EEF2: variants seen among roughly 807,000 people sequenced by gnomAD.
The protein encoded by EEF2 is elongation factor 2.
A neutral mutation model predicts 85.3 loss-of-function variants in EEF2; 21 were observed. The observed-to-expected ratio is 0.25, with a 90% CI of 0.17 to 0.35. The LOEUF (loss-of-function observed/expected upper bound fraction) is 0.35. Among genes scored for constraint, EEF2 ranks in the 10% least tolerant of loss-of-function variants. The pLI is 1.00. For missense variants in EEF2, 825 were observed against 1,225.3 expected (o/e 0.67, Z 4.88); for synonymous variants, 723 against 508.8 (o/e 1.42, Z -5.67).
chr19:3,978,551 A>C (rs2039704928), intron 11 of EEF2, among the ~76,000 whole-genome samples: 1 of 151,914 alleles, frequency 6.6e-6, no homozygotes, highest in Admixed American at 6.5e-5. Context: ...CACGCCTGTA[A>C]TCCCAGCACT....
intron 11 of EEF2, 124 bp from the exon 12 acceptor site, chr19:3,978,296 A>G: frequency 3.8e-6 from 3 of 785,488 alleles, no homozygotes; most frequent in East Asian, 3.0e-5. Flanking sequence ...CACGTCAATC[A>G]GAACGAAGCG....
In EEF2 at chr19:3,977,605, T is replaced by A; in HGVS notation, c.2073A>T (p.Ala691=). 13 of 1,519,626 alleles carry A rather than the reference T, an allele frequency of 8.6e-6. No homozygotes were observed. Among genetic ancestry groups the A allele is most frequent in the Non-Finnish European group, 1.1e-5 (13 of 1,137,746 alleles). The allele number at this position is 1,519,626 out of a possible 1,614,324, so 94.1% of individuals were successfully genotyped here. A position where few individuals can be genotyped will look rare whatever the true frequency, so the allele number is the denominator to read the frequency against. The change falls in exon 13 of 15, where the codon GCA becomes GCT. Residue 691 remains alanine (A), a synonymous_variant. Coordinates refer to ENST00000309311, the MANE Select transcript of EEF2 (RefSeq NM_001961.4). The surrounding 1 kb of genome is among the most constrained non-coding windows in gnomAD (Gnocchi z 5.4). ...AGFQWATKEG[A]LCEENMRGVR... ...CACCCCGCATGTTCTCCTCACACAG[T>A]GCGCCCTGGGGGAGGGGGAGAGCCA...
At chr19:3,981,764 A>C (rs2039751168) in intron 6 of EEF2, among the ~76,000 whole-genome samples, 183 bp downstream of exon 6, 1 of 152,246 alleles carries the variant, frequency 6.6e-6, no homozygotes, top group Non-Finnish European at 1.5e-5. Context: ...GGCTCTGGCT[A>C]TGCAGTCCAG....
At chr19:3,979,535 G>A (rs1327482784) in intron 10 of EEF2, 99 bp from the exon 11 acceptor site, 2 of 1,115,346 alleles carry the variant, frequency 1.8e-6, no homozygotes, top group Non-Finnish European at 2.6e-6. Flanking sequence ...GCCAGAACAA[G>A]ATTTCAGGGA....
rs775661634 is a variant in EEF2 at position 3,979,443 on chromosome 19, G to A, written c.1606-7C>T. On this transcript the variant is annotated splice_polypyrimidine_tract_variant and splice_region_variant and intron_variant, in intron 10 of 14. Transcript: ENST00000309311. Reference sequence around the variant, plus strand: ...CCGACTCCTCGATGATGCACTGAAAGGGATGCGGGTCAGCACCAAAGGGGT... The same window carrying A: ...CCGACTCCTCGATGATGCACTGAAAAGGATGCGGGTCAGCACCAAAGGGGT... 18 of 1,612,074 alleles carry A rather than the reference G, an allele frequency of 1.1e-5. No homozygotes were observed. In the South Asian group the frequency reaches 1.9e-4, roughly 17 times the overall value.
At chr19:3,979,536 A>G in intron 10 of EEF2, 100 bp from the exon 11 acceptor site, 1 of 1,112,002 alleles carries the variant, frequency 9.0e-7, no homozygotes, top group Non-Finnish European at 1.3e-6. Context: ...CCAGAACAAG[A>G]TTTCAGGGAA....
Position 3,981,382 on chromosome 19 carries a change from A to G in EEF2, c.968T>C (p.Leu323Pro). The change falls in exon 7 of 15, where the codon CTG (leucine) becomes CCG (proline). Residue 323 changes from leucine (L) to proline (P), a missense_variant. By Grantham distance (98) the Leu-to-Pro change is moderately conservative. Coordinates refer to ENST00000309311, the MANE Select transcript of EEF2 (RefSeq NM_001961.4). ...TTCTTTGTCCTTGTCCTCGCTGTCC[A>G]GTTTGATGTCCAGTTTCTCTATCAG... ...AKLIEKLDIK[L>P]DSEDKDKEGK... 6.2e-7 allele frequency: 1 copy of G among 1,614,236 alleles called. No individual in the cohort carries two copies. The highest frequency in any genetic ancestry group is 8.5e-7 in the Non-Finnish European group (1 of 1,180,046).
Position 3,982,002 on chromosome 19 carries a change from T to G in EEF2, c.842A>C (p.Glu281Ala). The stretch of plus-strand genomic sequence containing the variant: ...GAAGGTGCGTGGCAGCTTCTTCCCT[T>G]CGGGGCTGGTGGCTGACTTGCTGAA... Reference protein sequence around the residue: ...GKFSKSATSPEGKKLPRTFCQ... With the variant: ...GKFSKSATSPAGKKLPRTFCQ... The change falls in exon 6 of 15, where the codon GAA becomes GCA. Residue 281 changes from glutamate to alanine, a missense_variant. Glu to Ala is a moderately radical substitution (Grantham distance 107). Transcript: ENST00000309311. 6.2e-7 allele frequency: 1 copy of G among 1,614,194 alleles called. No homozygotes were observed. Among genetic ancestry groups the G allele is most frequent in the South Asian group, 1.1e-5 (1 of 91,086 alleles).
Position 3,977,395 on chromosome 19 carries a change from T to C in EEF2, c.2250+33A>G, listed in dbSNP as rs760858843. 1.3e-6 allele frequency: 2 copies of C among 1,591,430 alleles called. No homozygotes were observed. The highest frequency in any genetic ancestry group is 1.8e-5 in the Admixed American group (1 of 55,966). On this transcript the variant is annotated intron_variant, in intron 13 of 14. Coordinates refer to ENST00000309311, the MANE Select transcript of EEF2 (RefSeq NM_001961.4). The surrounding 1 kb of genome is among the most constrained non-coding windows in gnomAD (Gnocchi z 5.4). ...TGTCAGTGGCCGCTGGGCAGGACGG[T>C]GGCAGGGTCAGCGGTGGGCGGGTAG...
chr19:3,984,048 AG>A, intron 2 of EEF2, 87 bp downstream of exon 2: 1 of 1,415,970 alleles, frequency 7.1e-7, no homozygotes, highest in Non-Finnish European at 9.8e-7. Flanking sequence ...GACGTTGCCA[AG>A]TCTCTCCCCG....
chr19:3,978,893 A>G (rs1307961913), intron 11 of EEF2, among the ~76,000 whole-genome samples: 9 of 144,772 alleles, frequency 6.2e-5, no homozygotes, highest in East Asian at 2.2e-4. Flanking sequence ...AGGCCGAGGC[A>G]GGGGGATCAC....
chr19:3,979,322 G>A lies in EEF2; in HGVS notation c.1713+7C>T, dbSNP rs748533426. ...GGCGTGGGGAAGGCTGGTCACTGGC[G>A]CCTCACCTTGATGGGGATGCAGGCG... is the stretch of plus-strand genomic sequence containing the variant. On this transcript the variant is annotated splice_region_variant and intron_variant, in intron 11 of 14. Coordinates refer to ENST00000309311, the MANE Select transcript of EEF2 (RefSeq NM_001961.4). 15 of 1,611,924 alleles carry A rather than the reference G, an allele frequency of 9.3e-6. No homozygotes were observed. The highest frequency in any genetic ancestry group is 6.6e-5 in the South Asian group (6 of 91,022).
In EEF2 at chr19:3,985,416, C is replaced by A; in HGVS notation, c.-36G>T. 1.4e-6 allele frequency: 2 copies of A among 1,480,792 alleles called. No homozygotes were observed. The highest frequency in any genetic ancestry group is 1.3e-5 in the South Asian group (1 of 75,156). 91.7% of individuals were successfully genotyped at this position (1,480,792 alleles called of 1,614,324 possible). A position where few individuals can be genotyped will look rare whatever the true frequency, so the allele number is the denominator to read the frequency against. ...GGCGGTGGATTCTCCCAGGTAGAAC[C>A]GAAAGAAGCGAGTCGCGCCGAGGAT... On this transcript the variant is annotated 5_prime_UTR_variant, in exon 1 of 15. Transcript: ENST00000309311.
At chr19:3,983,982 T>G in intron 2 of EEF2, 154 bp downstream of exon 2, 1 of 781,300 alleles carries the variant, frequency 1.3e-6, no homozygotes, top group Non-Finnish European at 2.0e-6. Flanking sequence ...CTCCATCCTG[T>G]CTCGCTGGAC....
chr19:3,983,896 G>C, intron 2 of EEF2: 1 of 555,394 alleles, frequency 1.8e-6, no homozygotes. Context: ...AAGTCCCCCA[G>C]GGAGGGAGAA....
chr19:3,981,441 C>A lies in EEF2; in HGVS notation c.909G>T (p.Ala303=), dbSNP rs1054443938. 2 of 1,613,962 alleles carry A rather than the reference C, an allele frequency of 1.2e-6. No homozygotes were observed. Among genetic ancestry groups the A allele is most frequent in the Non-Finnish European group, 1.7e-6 (2 of 1,179,936 alleles). ...TCTCCTCTTTCTTGAAATTCATGATCGCATCAAACACCTACATTCCCCACC... is the reference window on the plus strand; with the variant it reads ...TCTCCTCTTTCTTGAAATTCATGATAGCATCAAACACCTACATTCCCCACC... ...ILDPIFKVFD[A]IMNFKKEETA... Residue 303 remains alanine, a synonymous_variant, in exon 7 of 15, where the codon GCG becomes GCT. Transcript: ENST00000309311.
chr19:3,982,501 C>T (rs1194550174), intron 4 of EEF2, 77 bp from the exon 5 acceptor site: 1 of 1,566,720 alleles, frequency 6.4e-7, no homozygotes, highest in Admixed American at 1.7e-5. Flanking sequence ...GCGCCTTGGG[C>T]ATGGGCCTCA....
At position 3,980,000 on chromosome 19, in the gene EEF2, G is replaced by A. The variant is rs1599193428; in HGVS notation, c.1413C>T (p.Gly471=). ...IEDVPCGNIV[G]LVGVDQFLVK... ...CCAGGAACTGGTCCACGCCCACGAG[G>A]CCCACAATGTTCCCACAAGGCACAT... The change falls in exon 10 of 15, where the codon GGC becomes GGT. Residue 471 remains glycine (G), a synonymous_variant. Transcript: ENST00000309311. 3 of 1,613,852 alleles carry A rather than the reference G, an allele frequency of 1.9e-6. No homozygotes were observed. Among genetic ancestry groups the A allele is most frequent in the Non-Finnish European group, 2.5e-6 (3 of 1,180,046 alleles).
intron 10 of EEF2, among the ~76,000 whole-genome samples, 157 bp downstream of exon 10, chr19:3,979,651 G>A (rs1043705378): frequency 6.6e-6 from 1 of 152,256 alleles, no homozygotes; most frequent in African/African-American, 2.4e-5. Context: ...GTGGCTGCCT[G>A]GGCAGGAGTC....
Sources: allele counts gnomAD v4.1 joint callset (sites outside exome capture counted in the v4.1 genomes callset), GRCh38; gene constraint gnomAD v4.1.1; non-coding constraint Gnocchi (gnomAD v3.1); transcripts MANE v1.5; gene names NCBI Gene and HGNC (gene_info 2026-07-23, HGNC 2026-07-21).